The following TAS1R2 variants were observed in gnomAD, a reference collection of about 807,000 sequenced individuals.
TAS1R2 encodes taste receptor type 1 member 2.
TAS1R2 carries 47 observed loss-of-function variants against 49.3 expected under a neutral mutation model. The observed-to-expected ratio is 0.95, with a 90% CI of 0.75 to 1.22. The LOEUF (loss-of-function observed/expected upper bound fraction) is 1.22, where lower values mean the gene tolerates loss of function less well. Among genes scored for constraint, TAS1R2 ranks in the 50% most tolerant of loss-of-function variants. The pLI, the probability that TAS1R2 is intolerant of heterozygous loss-of-function variation, is 0.00. For missense variants in TAS1R2, 1,155 were observed against 1,122.1 expected, an observed-to-expected ratio of 1.03 and a Z score of -0.42; for synonymous variants, 479 against 467.9, an observed-to-expected ratio of 1.02 and a Z score of -0.31.
intron 4 of TAS1R2, among the ~76,000 whole-genome samples, chr1:18,847,792 A>G (rs926523461): frequency 1.3e-5 from 2 of 152,250 alleles, no homozygotes; most frequent in Admixed American, 6.5e-5. Context: ...AGCTGCTGAT[A>G]AAGACATACC....
chr1:18,853,485 C>T (rs1934068080), intron 3 of TAS1R2, among the ~76,000 whole-genome samples: 1 of 152,082 alleles, frequency 6.6e-6, no homozygotes, highest in Admixed American at 6.6e-5. Context: ...TCAGAGCAAA[C>T]TAATTTGTTC....
intron 2 of TAS1R2, 136 bp downstream of exon 2, chr1:18,857,195 G>A: frequency 1.0e-6 from 1 of 982,834 alleles, no homozygotes; most frequent in Non-Finnish European, 1.5e-6. Context: ...CTCAAGATTT[G>A]GGCTGATGTC....
exon 2 of TAS1R2, chr1:18,857,459 C>G: frequency 6.2e-7 from 1 of 1,614,170 alleles, no homozygotes; most frequent in Non-Finnish European, 8.5e-7. Flanking sequence ...AGGAGGTTGT[C>G]CTCGTGTGCC....
At chr1:18,852,813 T>A (rs368122195) in intron 3 of TAS1R2, among the ~76,000 whole-genome samples, 3 of 152,214 alleles carry the variant, frequency 2.0e-5, no homozygotes, top group African/African-American at 7.2e-5. Flanking sequence ...TCTCCCACCA[T>A]GATGATGCCC....
At chr1:18,855,105 G>T in intron 2 of TAS1R2, 119 bp from the exon 3 acceptor site, 1 of 1,294,618 alleles carries the variant, frequency 7.7e-7, no homozygotes, top group Non-Finnish European at 1.1e-6. Flanking sequence ...CCCAGGGGTA[G>T]GTGGTTTACA....
chr1:18,847,345 G>A (rs1933939148), intron 4 of TAS1R2, among the ~76,000 whole-genome samples: 1 of 152,128 alleles, frequency 6.6e-6, no homozygotes, highest in African/African-American at 2.4e-5. Context: ...AGAACAGTGA[G>A]ACAATAAATT....
chr1:18,852,002 T>G (rs1293741717), intron 3 of TAS1R2, among the ~76,000 whole-genome samples: 1 of 152,214 alleles, frequency 6.6e-6, no homozygotes, highest in African/African-American at 2.4e-5. Context: ...GTGAACACCG[T>G]GTCCGGCACA....
chr1:18,858,766 C>A (rs995566600), intron 1 of TAS1R2, among the ~76,000 whole-genome samples: 1 of 152,222 alleles, frequency 6.6e-6, no homozygotes, highest in Non-Finnish European at 1.5e-5. Context: ...GGTGCCATCA[C>A]CTTCACCATT....
chr1:18,859,456 C>G (rs991679239), intron 1 of TAS1R2, 23 bp downstream of exon 1: 2 of 1,613,056 alleles, frequency 1.2e-6, no homozygotes, highest in African/African-American at 2.7e-5. Context: ...ACTGCCACTT[C>G]CAGCCCCACA....
At chr1:18,840,392 C>T (rs1933800184) in exon 6 of TAS1R2, 1 of 1,613,992 alleles carries the variant, frequency 6.2e-7, no homozygotes, top group Admixed American at 1.7e-5. Flanking sequence ...GCTGAGGAAG[C>T]CCAGGGCGGC....
At chr1:18,848,101 G>A (rs936255390) in intron 4 of TAS1R2, among the ~76,000 whole-genome samples, 3 of 152,176 alleles carry the variant, frequency 2.0e-5, no homozygotes, top group African/African-American at 7.2e-5. Flanking sequence ...TGAGATTTGG[G>A]TGGGGACACA....
intron 1 of TAS1R2, 97 bp from the exon 2 acceptor site, chr1:18,857,728 G>C: frequency 7.1e-7 from 1 of 1,412,484 alleles, no homozygotes; most frequent in South Asian, 1.4e-5. Context: ...CCACAGGAAA[G>C]CCAAGGCATT....
chr1:18,854,158 C>T lies in TAS1R2; in HGVS notation c.1257+55G>A. 2 of 1,555,086 alleles carry T rather than the reference C, an allele frequency of 1.3e-6. No homozygotes were observed. The highest frequency in any genetic ancestry group is 2.4e-5 in the South Asian group (2 of 83,798). On this transcript the variant is annotated intron_variant, in intron 3 of 5. Transcript: ENST00000375371. This position sits in a 1 kb window ranked among gnomAD's most constrained non-coding sequence, Gnocchi z 4.9. ...CCTTTCACACCCATTTGCCCAGAAC[C>T]CCAGGGGAGGAGGATGGAGGTGCCC... is the stretch of plus-strand genomic sequence containing the variant.
At position 18,855,362 on chromosome 1, in the gene TAS1R2, C is replaced by G. The variant is rs1427345956; in HGVS notation, c.484-376G>C. Among the ~76,000 whole-genome samples, 8 of 152,344 alleles carry G rather than the reference C, an allele frequency of 5.3e-5. No homozygotes were observed. The East Asian group carries it at 1.3e-3, about 26-fold the overall frequency. ...CATCCCCATCATCTAGAAACTCTTA[C>G]TAAGCACAGCGCTTTCCTCCTCCCC... On this transcript the variant is annotated intron_variant, in intron 2 of 5. Transcript: ENST00000375371.
chr1:18,842,327 A>G (rs1226351567), intron 4 of TAS1R2, among the ~76,000 whole-genome samples: 1 of 152,246 alleles, frequency 6.6e-6, no homozygotes, highest in Non-Finnish European at 1.5e-5. Context: ...ATCAAGGCAT[A>G]CAACCGAAAT....
intron 2 of TAS1R2, among the ~76,000 whole-genome samples, chr1:18,855,419 A>G (rs1381716387): frequency 6.6e-6 from 1 of 151,962 alleles, no homozygotes; most frequent in African/African-American, 2.4e-5. Context: ...AACTAGCCAC[A>G]TTTCTTCCCT....
intron 1 of TAS1R2, among the ~76,000 whole-genome samples, chr1:18,859,270 A>G (rs1200278904): frequency 6.6e-6 from 1 of 152,202 alleles, no homozygotes; most frequent in African/African-American, 2.4e-5. Context: ...AGTGTTTCAG[A>G]GCACAGTCGC....
At chr1:18,848,712 A>G (rs1264783701) in intron 4 of TAS1R2, among the ~76,000 whole-genome samples, 2 of 152,140 alleles carry the variant, frequency 1.3e-5, no homozygotes, top group African/African-American at 4.8e-5. Flanking sequence ...CACAAACCCT[A>G]TTGTGAACTG....
At position 18,854,381 on chromosome 1, in the gene TAS1R2, G is replaced by C; in HGVS notation, c.1089C>G (p.Cys363Trp). ...ACAAGGTGGCGTTCAGGCAGTTGTC[G>C]CACTCCTGGTTGCAGGTATAGCTCT... Residue 363 changes from cysteine to tryptophan, a missense_variant, in exon 3 of 6, where the codon TGC becomes TGG. Physicochemically the swap from Cys to Trp is radical, Grantham distance 215 (BLOSUM62 -2). Coordinates refer to ENST00000375371, the Ensembl canonical transcript of TAS1R2. This position sits in a 1 kb window ranked among gnomAD's most constrained non-coding sequence, Gnocchi z 4.9. The C allele has an allele frequency of 2.5e-6, 4 of 1,613,790 alleles. No homozygotes were observed. The highest frequency in any genetic ancestry group is 3.4e-6 in the Non-Finnish European group (4 of 1,179,878).
Sources: gnomAD v4.1 joint callset for allele counts (sites outside exome capture counted in the v4.1 genomes callset) on GRCh38, gnomAD v4.1.1 for gene constraint, Gnocchi (gnomAD v3.1) non-coding constraint, MANE v1.5 for transcripts, NCBI Gene and HGNC (gene_info 2026-07-23, HGNC 2026-07-21) for gene names.